The following KAZN variants were observed in gnomAD, a reference collection of about 807,000 sequenced individuals.
KAZN encodes kazrin.
Under a neutral mutation model 87.4 loss-of-function variants are expected in KAZN, and 40 were observed. The observed-to-expected ratio is 0.46, with a 90% CI of 0.36 to 0.60. The LOEUF is 0.60. KAZN is among the 20% of genes least tolerant of loss of function. The probability of loss-of-function intolerance (pLI) is 0.00; values close to 1 mark genes in which losing one functional copy is unlikely to be tolerated. For synonymous variants in KAZN, 466 were observed against 458.3 expected (o/e 1.02, Z -0.22); for missense variants, 898 against 1,073.9 (o/e 0.84, Z 2.29).
chr1:14,354,173 TA>T (rs1396376852), intron 2 of KAZN, among the ~76,000 whole-genome samples: 2 of 152,080 alleles, frequency 1.3e-5, no homozygotes, highest in East Asian at 3.9e-4. Flanking sequence ...AACAACTGGA[TA>T]AAAAAACTGC....
At chr1:14,627,548 T>C (rs1473028071) in intron 1 of KAZN, among the ~76,000 whole-genome samples, 2 of 152,200 alleles carry the variant, frequency 1.3e-5, no homozygotes, top group Non-Finnish European at 2.9e-5. Context: ...ATCTGCTTTC[T>C]TCCTGCTGCG....
intron 1 of KAZN, among the ~76,000 whole-genome samples, chr1:14,872,027 T>C (rs1407393891): frequency 6.6e-6 from 1 of 152,178 alleles, no homozygotes; most frequent in Admixed American, 6.5e-5. Context: ...GGCAAGAGGC[T>C]ATTGCTGGCA....
chr1:15,024,868 A>G (rs1328077249), intron 2 of KAZN, among the ~76,000 whole-genome samples: 2 of 152,256 alleles, frequency 1.3e-5, no homozygotes, highest in Admixed American at 1.3e-4. Flanking sequence ...AACTTCAGCC[A>G]TGCCGTGGCC....
intron 1 of KAZN, among the ~76,000 whole-genome samples, chr1:14,922,396 G>A (rs542676210): frequency 1.3e-5 from 2 of 152,148 alleles, no homozygotes; most frequent in Non-Finnish European, 2.9e-5. Context: ...GTAAAGGAGA[G>A]GAATTAGGGG....
chr1:14,179,770 C>A (rs1646157497), intron 1 of KAZN, among the ~76,000 whole-genome samples: 1 of 152,068 alleles, frequency 6.6e-6, no homozygotes, highest in African/African-American at 2.4e-5. Flanking sequence ...TGACAGTAAG[C>A]AAAGAGATTA....
chr1:14,143,024 C>G (rs796744688), intron 1 of KAZN, among the ~76,000 whole-genome samples: 2 of 152,060 alleles, frequency 1.3e-5, no homozygotes, highest in African/African-American at 4.8e-5. Flanking sequence ...GTAATTATCT[C>G]GGGGATGGAG....
At chr1:14,460,259 T>G (rs1327091714) in intron 2 of KAZN, among the ~76,000 whole-genome samples, 1 of 152,224 alleles carries the variant, frequency 6.6e-6, no homozygotes, top group Non-Finnish European at 1.5e-5. Context: ...ACCAACTCCA[T>G]GCTGGATGTC....
intron 1 of KAZN, among the ~76,000 whole-genome samples, chr1:13,981,807 G>A (rs933969348): frequency 2.0e-5 from 3 of 152,210 alleles, no homozygotes; most frequent in Non-Finnish European, 4.4e-5. Flanking sequence ...TGTGATGACT[G>A]TGGATGCTTT....
At position 15,060,194 on chromosome 1, in the gene KAZN, C is replaced by T; in HGVS notation, c.939C>T (p.His313=). ...CAGCGGTCAGGGTGAGCCCCTGCCA[C>T]TCCCGGCAGCCCTCTGTCATCTCCG... is the stretch of plus-strand genomic sequence containing the variant. ...DRQAVRVSPC[H]SRQPSVISDA... Residue 313 remains histidine, a synonymous_variant, in exon 6 of 15, where the codon CAC becomes CAT. Transcript: ENST00000376030. The T allele has an allele frequency of 6.2e-7, 1 of 1,614,244 alleles. No homozygotes were observed. Among genetic ancestry groups the T allele is most frequent in the African/African-American group, 1.3e-5 (1 of 75,076 alleles).
intron 10 of KAZN, among the ~76,000 whole-genome samples, chr1:15,101,222 G>T (rs1641054455): frequency 7.6e-6 from 1 of 131,418 alleles, no homozygotes; most frequent in Non-Finnish European, 1.6e-5. Context: ...ATCTCCCTCT[G>T]CTCCTTTCTC....
chr1:15,103,986 C>T (rs1641203219), intron 12 of KAZN, 37 bp from the exon 13 acceptor site: 2 of 1,598,162 alleles, frequency 1.3e-6, no homozygotes, highest in Non-Finnish European at 1.7e-6. Flanking sequence ...GCAGCATGGC[C>T]CCTGCAGGCT....
intron 2 of KAZN, among the ~76,000 whole-genome samples, chr1:14,234,930 C>CTGG: frequency 6.6e-6 from 1 of 152,358 alleles, no homozygotes; most frequent in South Asian, 2.1e-4. Context: ...AGCTTCACTG[C>CTGG]TGGTGGAATT....
intron 1 of KAZN, among the ~76,000 whole-genome samples, chr1:14,130,494 G>GA (rs1396393205): frequency 2.0e-5 from 3 of 151,946 alleles, no homozygotes; most frequent in African/African-American, 4.8e-5. Context: ...TGCTGTTTCT[G>GA]AAAAAATAAA....
chr1:15,083,068 T>C (rs893713108), intron 8 of KAZN, among the ~76,000 whole-genome samples: 2 of 152,308 alleles, frequency 1.3e-5, no homozygotes, highest in East Asian at 3.9e-4. Flanking sequence ...GAGGGCACCA[T>C]TTAGCCCTAG....
upstream of KAZN, among the ~76,000 whole-genome samples, chr1:14,598,476 G>C (rs958442267): frequency 6.6e-6 from 1 of 152,106 alleles, no homozygotes; most frequent in Non-Finnish European, 1.5e-5. This position sits in a 1 kb window ranked among gnomAD's most constrained non-coding sequence, Gnocchi z 4.2. Context: ...GGCCGGCCTC[G>C]GTCCAGGCGA....
chr1:14,138,078 T>A (rs1195820747), intron 1 of KAZN, among the ~76,000 whole-genome samples: 2 of 123,642 alleles, frequency 1.6e-5, no homozygotes, highest in Non-Finnish European at 1.6e-5. Context: ...TAAATAAATG[T>A]TACAGTGTGT....
At chr1:14,417,344 A>C (rs1175016390) in intron 2 of KAZN, among the ~76,000 whole-genome samples, 2 of 152,168 alleles carry the variant, frequency 1.3e-5, no homozygotes, top group African/African-American at 2.4e-5. Context: ...TGTTATCGAG[A>C]GCAAAAGTGT....
intron 2 of KAZN, among the ~76,000 whole-genome samples, chr1:14,555,690 C>T (rs1277286871): frequency 6.6e-6 from 1 of 152,142 alleles, no homozygotes; most frequent in Non-Finnish European, 1.5e-5. Flanking sequence ...GATAAAAGGG[C>T]AGATAACTCA....
intron 1 of KAZN, among the ~76,000 whole-genome samples, chr1:14,670,600 G>A (rs1424047013): frequency 2.6e-5 from 4 of 152,306 alleles, no homozygotes; most frequent in Non-Finnish European, 4.4e-5. Context: ...CTGGGGAGGG[G>A]CCTGGGCATC....
Sources: allele counts gnomAD v4.1 joint callset (sites outside exome capture counted in the v4.1 genomes callset), GRCh38; gene constraint gnomAD v4.1.1; non-coding constraint Gnocchi (gnomAD v3.1); transcripts MANE v1.5; gene names NCBI Gene and HGNC (gene_info 2026-07-23, HGNC 2026-07-21).